The following SEMA5B variants were observed in gnomAD, a reference collection of about 807,000 sequenced individuals.
SEMA5B encodes semaphorin-5B.
A neutral mutation model predicts 135.0 loss-of-function variants in SEMA5B; 66 were observed. The observed-to-expected ratio is 0.49, with a 90% CI of 0.40 to 0.60. The LOEUF (loss-of-function observed/expected upper bound fraction) is 0.60. Among genes scored for constraint, SEMA5B ranks in the 20% least tolerant of loss-of-function variants. SEMA5B has a pLI of 0.00. For missense variants in SEMA5B, 1,501 were observed against 1,566.3 expected (o/e 0.96, Z 0.70); for synonymous variants, 690 against 639.5 (o/e 1.08, Z -1.19).
In SEMA5B at chr3:122,913,958, T is replaced by C; in HGVS notation, c.2032A>G (p.Thr678Ala). 1.2e-6 allele frequency: 2 copies of C among 1,611,650 alleles called. No individual in the cohort carries two copies. The highest frequency in any genetic ancestry group is 1.7e-6 in the Non-Finnish European group (2 of 1,179,522). ...ACCTGGAAGCCGATGCCACAGGACG[T>C]GCTGCACAGCGCCCACGATGACCAC... ...TPWSSWALCS[T>A]SCGIGFQVRQ... Residue 678 changes from threonine (T) to alanine (A), a missense_variant, in exon 15 of 23, where the codon ACG (threonine) becomes GCG (alanine). Physicochemically the swap from Thr to Ala is moderately conservative, Grantham distance 58. Transcript: ENST00000357599.
At position 122,913,217 on chromosome 3, in the gene SEMA5B, CGGAGCCGTCCGCG is replaced by C; in HGVS notation, c.2475_2487del (p.Asp827ProfsTer22). On this transcript the variant is annotated frameshift_variant, in exon 17 of 23. Coordinates refer to ENST00000357599, the MANE Select transcript of SEMA5B (RefSeq NM_001031702.4). LOFTEE classifies it high-confidence loss of function. ...GGGGTACCGTCGGTGTCGCAGGAGC[CGGAGCCGTCCGCG>C]GGACAGGTCCTCGTCTCGGTCCTTC... 6.3e-7 allele frequency: 1 copy of C among 1,575,638 alleles called. No homozygotes were observed. The highest frequency in any genetic ancestry group is 1.7e-5 in the Admixed American group (1 of 57,500).
chr3:122,961,093 A>C, intron 2 of SEMA5B, 47 bp downstream of exon 2: 1 of 1,538,932 alleles, frequency 6.5e-7, no homozygotes. Context: ...CTCTCCCCTC[A>C]GTCTGGTACC....
intron 2 of SEMA5B, among the ~76,000 whole-genome samples, chr3:122,958,965 T>C (rs1028589425): frequency 1.3e-5 from 2 of 151,952 alleles, no homozygotes; most frequent in Non-Finnish European, 2.9e-5. Context: ...CCAGCTGCAA[T>C]GGGGAAGATA....
Position 122,910,820 on chromosome 3 carries a change from A to C in SEMA5B, c.3297+20T>G, listed in dbSNP as rs747106471. 6.4e-7 allele frequency: 1 copy of C among 1,555,074 alleles called. No individual in the cohort carries two copies. The highest frequency in any genetic ancestry group is 2.1e-5 in the Admixed American group (1 of 48,744). ...GTGAGACTCCGTCTCAAAAAAAAAAAAAAAAAAGAAGGCTCCCACCTTGAA... is the reference window on the plus strand; with the variant it reads ...GTGAGACTCCGTCTCAAAAAAAAAACAAAAAAAGAAGGCTCCCACCTTGAA... On this transcript the variant is annotated intron_variant, in intron 22 of 22. Coordinates refer to ENST00000357599, the MANE Select transcript of SEMA5B (RefSeq NM_001031702.4).
At chr3:123,014,038 T>A (rs1481367486) in intron 1 of SEMA5B, among the ~76,000 whole-genome samples, 1 of 152,196 alleles carries the variant, frequency 6.6e-6, no homozygotes, top group Non-Finnish European at 1.5e-5. Context: ...GCTCTGAATG[T>A]GTTCAAGCCA....
chr3:122,941,518 C>A (rs958371935), intron 4 of SEMA5B, among the ~76,000 whole-genome samples: 1 of 152,210 alleles, frequency 6.6e-6, no homozygotes, highest in Non-Finnish European at 1.5e-5. Context: ...TGTGAAGATT[C>A]AATGATTTAC....
intron 1 of SEMA5B, among the ~76,000 whole-genome samples, chr3:123,015,896 A>G (rs559157583): frequency 1.9e-4 from 29 of 152,320 alleles, no homozygotes; most frequent in Non-Finnish European, 3.5e-4. Context: ...TTACCTATTT[A>G]AAGTTAGAGG....
In SEMA5B at chr3:122,943,439, G is replaced by A; in HGVS notation, c.425C>T (p.Ala142Val). The A allele has an allele frequency of 6.3e-7, 1 of 1,599,186 alleles. No individual in the cohort carries two copies. The highest frequency in any genetic ancestry group is 8.5e-7 in the Non-Finnish European group (1 of 1,172,940). The change falls in exon 4 of 23, where the codon GCC becomes GTC. Residue 142 changes from alanine (A) to valine (V), a missense_variant. Transcript: ENST00000357599. ...CGACCCTTCTGCCCCTTGTTACCTG[G>A]CTCCCACGATGAGCTGGTTCCCGGA... is the stretch of plus-strand genomic sequence containing the variant. Reference protein sequence around the residue: ...DPSGNQLIVGARNYLFRLSLA... With the variant: ...DPSGNQLIVGVRNYLFRLSLA...
intron 9 of SEMA5B, among the ~76,000 whole-genome samples, chr3:122,925,512 CA>C (rs1217155586): frequency 6.6e-6 from 1 of 151,674 alleles, no homozygotes; most frequent in Non-Finnish European, 1.5e-5. Flanking sequence ...ACTAAAAATA[CA>C]AAAAATTAGC....
At chr3:122,919,602 C>T (rs1938250620) in intron 12 of SEMA5B, among the ~76,000 whole-genome samples, 2 of 152,194 alleles carry the variant, frequency 1.3e-5, no homozygotes, top group Admixed American at 6.5e-5. Flanking sequence ...CACAGTAAAA[C>T]CTTGTGACAA....
intron 1 of SEMA5B, among the ~76,000 whole-genome samples, chr3:123,023,377 G>A (rs780109461): frequency 1.3e-5 from 2 of 151,796 alleles, no homozygotes; most frequent in African/African-American, 2.4e-5. Context: ...ACAAGCTAGT[G>A]ATCAAGGTGA....
intron 1 of SEMA5B, among the ~76,000 whole-genome samples, chr3:122,989,639 A>C (rs895664061): frequency 2.0e-5 from 3 of 152,140 alleles, no homozygotes; most frequent in Non-Finnish European, 2.9e-5. Context: ...GGTAGATGCG[A>C]CCCAGCTCTG....
intron 3 of SEMA5B, 152 bp from the exon 4 acceptor site, chr3:122,943,687 C>A: frequency 1.6e-6 from 1 of 611,436 alleles, no homozygotes; most frequent in Non-Finnish European, 2.9e-6. Context: ...CTCTGTGTGC[C>A]CCTAGGGACT....
At chr3:122,961,464 C>A (rs1940576957) in intron 1 of SEMA5B, among the ~76,000 whole-genome samples, 163 bp from the exon 2 acceptor site, 1 of 145,112 alleles carries the variant, frequency 6.9e-6, no homozygotes, top group African/African-American at 2.5e-5. Context: ...TTGAAACAAA[C>A]TTTTTTTTTT....
At chr3:122,952,511 C>G (rs974714982) in intron 2 of SEMA5B, among the ~76,000 whole-genome samples, 1 of 152,208 alleles carries the variant, frequency 6.6e-6, no homozygotes, top group African/African-American at 2.4e-5. Flanking sequence ...ATAATAACAA[C>G]AACAACTTCT....
intron 1 of SEMA5B, among the ~76,000 whole-genome samples, chr3:122,983,091 C>G (rs914439685): frequency 2.0e-5 from 3 of 152,132 alleles, no homozygotes; most frequent in African/African-American, 7.2e-5. Flanking sequence ...GGTGTCCATT[C>G]CCCCAACCCC....
chr3:122,981,353 G>A lies in SEMA5B; in HGVS notation c.-38-20052C>T, dbSNP rs368136100. On this transcript the variant is annotated intron_variant, in intron 1 of 22. Coordinates refer to ENST00000357599, the MANE Select transcript of SEMA5B (RefSeq NM_001031702.4). ...GGCACCCCACTTTGGGAGGACTTCCGTCCCAGGGCTGCTCCATGTTCCACA... is the reference window on the plus strand; with the variant it reads ...GGCACCCCACTTTGGGAGGACTTCCATCCCAGGGCTGCTCCATGTTCCACA... 1.6e-3 allele frequency among the ~76,000 whole-genome samples: 240 copies of A among 152,342 alleles called. 2 individuals carry two copies. Among genetic ancestry groups the A allele is most frequent in the African/African-American group, 5.1e-3 (212 of 41,582 alleles).
intron 1 of SEMA5B, among the ~76,000 whole-genome samples, chr3:123,011,835 C>A (rs1942444032): frequency 1.3e-5 from 2 of 152,180 alleles, no homozygotes; most frequent in African/African-American, 2.4e-5. Flanking sequence ...CTTCCCATCA[C>A]CTCTCCAGGA....
At chr3:123,020,264 A>G (rs1008382133) in intron 1 of SEMA5B, among the ~76,000 whole-genome samples, 10 of 152,244 alleles carry the variant, frequency 6.6e-5, no homozygotes, top group African/African-American at 2.4e-4. Context: ...TATAAAGCCC[A>G]TCTTAGTAGG....
Sources: gnomAD v4.1 joint callset for allele counts (sites outside exome capture counted in the v4.1 genomes callset) on GRCh38, gnomAD v4.1.1 for gene constraint, MANE v1.5 for transcripts, NCBI Gene and HGNC (gene_info 2026-07-23, HGNC 2026-07-21) for gene names.